The following SEC24D variants were observed in gnomAD, a reference collection of about 807,000 sequenced individuals.
The protein encoded by SEC24D is SEC24 homolog D, COPII component.
Under a neutral mutation model 116.9 loss-of-function variants are expected in SEC24D, and 69 were observed. That is an observed-to-expected ratio of 0.59 (90% confidence interval 0.49 to 0.72). The LOEUF is 0.72. SEC24D is among the 30% of genes least tolerant of loss of function. The probability of loss-of-function intolerance (pLI) is 0.00; values close to 1 mark genes in which losing one functional copy is unlikely to be tolerated. For synonymous variants in SEC24D, 405 were observed against 442.8 expected (o/e 0.91, Z 1.07); for missense variants, 1,131 against 1,264.1 (o/e 0.89, Z 1.60).
chr4:118,727,561 T>A (rs946687946), intron 22 of SEC24D, among the ~76,000 whole-genome samples: 1 of 152,036 alleles, frequency 6.6e-6, no homozygotes, highest in Non-Finnish European at 1.5e-5. Flanking sequence ...TGCTGTGCAT[T>A]CTAAATACCA....
intron 13 of SEC24D, among the ~76,000 whole-genome samples, chr4:118,751,516 T>C (rs1185297485): frequency 2.0e-5 from 3 of 152,140 alleles, no homozygotes; most frequent in Non-Finnish European, 2.9e-5. Context: ...TTCATTACTA[T>C]GAGAATGATC....
At chr4:118,745,097 T>G (rs1295607135) in intron 13 of SEC24D, 37 bp from the exon 14 acceptor site, 2 of 1,143,044 alleles carry the variant, frequency 1.7e-6, no homozygotes. Flanking sequence ...CCACAGAAAA[T>G]GCCGTGAGTA....
intron 20 of SEC24D, among the ~76,000 whole-genome samples, chr4:118,731,784 G>T (rs1318578412): frequency 6.6e-6 from 1 of 152,164 alleles, no homozygotes; most frequent in Non-Finnish European, 1.5e-5. Flanking sequence ...AGTGGGATGG[G>T]GTGTGTCGCT....
chr4:118,766,318 C>T (rs996725889), intron 9 of SEC24D, among the ~76,000 whole-genome samples: 1 of 152,190 alleles, frequency 6.6e-6, no homozygotes, highest in Non-Finnish European at 1.5e-5. Context: ...AATCTCTGGA[C>T]ACTTTGCAAG....
At chr4:118,728,787 A>G (rs1454620089) in intron 21 of SEC24D, 137 bp from the exon 22 acceptor site, 1 of 529,248 alleles carries the variant, frequency 1.9e-6, no homozygotes, top group African/African-American at 1.9e-5. Flanking sequence ...GAAAACCAAA[A>G]CTGTGGGGAA....
intron 22 of SEC24D, among the ~76,000 whole-genome samples, chr4:118,726,950 A>G (rs1029548949): frequency 6.6e-6 from 1 of 152,194 alleles, no homozygotes; most frequent in Admixed American, 6.5e-5. Context: ...TAACCCTTTA[A>G]AAGTATGTTT....
chr4:118,782,124 A>T (rs1306338925), intron 8 of SEC24D, among the ~76,000 whole-genome samples: 1 of 152,084 alleles, frequency 6.6e-6, no homozygotes, highest in Non-Finnish European at 1.5e-5. Flanking sequence ...GCTTTGTTCC[A>T]TTGTTGGCAA....
intron 21 of SEC24D, chr4:118,730,487 T>C (rs1048623131): frequency 3.3e-5 from 5 of 152,232 alleles, no homozygotes; most frequent in Admixed American, 6.5e-5. Context: ...CTTCATACAA[T>C]TGGGTTCAAC....
chr4:118,738,508 T>G lies in SEC24D; in HGVS notation c.2378-129A>C, dbSNP rs1161751816. On this transcript the variant is annotated intron_variant, in intron 18 of 22. Transcript: ENST00000280551. Reference sequence around the variant, plus strand: ...CAGCAAGAATAATAGCATTTAAATCTGTTCAAGTCATTTGCTAATGGTCTC... The same window carrying G: ...CAGCAAGAATAATAGCATTTAAATCGGTTCAAGTCATTTGCTAATGGTCTC... 7.2e-6 allele frequency: 5 copies of G among 694,170 alleles called. No homozygotes were observed. The African/African-American group carries it at 9.1e-5, about 13-fold the overall frequency. The allele number at this position is 694,170 out of a possible 1,614,324, so 43.0% of individuals were successfully genotyped here. A position where few individuals can be genotyped will look rare whatever the true frequency, so the allele number is the denominator to read the frequency against.
intron 7 of SEC24D, among the ~76,000 whole-genome samples, chr4:118,805,605 G>C (rs1489266297): frequency 6.6e-6 from 1 of 152,114 alleles, no homozygotes; most frequent in Non-Finnish European, 1.5e-5. Flanking sequence ...ATAAATAATT[G>C]TTTTAAGCAG....
chr4:118,812,505 G>C (rs1465596808), intron 6 of SEC24D, among the ~76,000 whole-genome samples: 1 of 152,124 alleles, frequency 6.6e-6, no homozygotes, highest in Non-Finnish European at 1.5e-5. Flanking sequence ...CACATCAGCG[G>C]ATAAAGATAC....
At chr4:118,801,226 T>C (rs2033125) in intron 7 of SEC24D, among the ~76,000 whole-genome samples, 95,532 of 149,404 alleles carry the variant, frequency 0.64, 31,369 homozygotes, top group South Asian at 0.73. Flanking sequence ...CGCGCCACTG[T>C]ACTCCAGCCT....
intron 19 of SEC24D, chr4:118,733,198 AG>A (rs1725784295): frequency 4.3e-6 from 1 of 231,798 alleles, no homozygotes; most frequent in Non-Finnish European, 8.3e-6. Context: ...GTCTTTTAGC[AG>A]GTGTGTGACC....
chr4:118,753,592 C>T (rs141153927), intron 11 of SEC24D, among the ~76,000 whole-genome samples: 97 of 151,758 alleles, frequency 6.4e-4, no homozygotes, highest in African/African-American at 2.2e-3. Context: ...AATTCCAAAA[C>T]GAGGCCTTAG....
intron 8 of SEC24D, among the ~76,000 whole-genome samples, chr4:118,782,949 A>C (rs537596596): frequency 6.6e-6 from 1 of 152,094 alleles, no homozygotes; most frequent in East Asian, 1.9e-4. Context: ...ATTTGCTAAG[A>C]CCATTGGAAA....
chr4:118,780,012 G>A (rs1247422860), intron 8 of SEC24D, among the ~76,000 whole-genome samples: 1 of 151,782 alleles, frequency 6.6e-6, no homozygotes, highest in Non-Finnish European at 1.5e-5. Flanking sequence ...TATTAGTCTT[G>A]CTAGCGGTCT....
At chr4:118,731,151 AT>A in intron 21 of SEC24D, 164 bp downstream of exon 21, 1 of 635,828 alleles carries the variant, frequency 1.6e-6, no homozygotes, top group Non-Finnish European at 2.7e-6. Context: ...AAATAACTTT[AT>A]ACCAGCTAAT....
intron 11 of SEC24D, among the ~76,000 whole-genome samples, chr4:118,753,254 G>A (rs1726925692): frequency 6.6e-6 from 1 of 152,060 alleles, no homozygotes; most frequent in Non-Finnish European, 1.5e-5. Flanking sequence ...AAAGTCACCA[G>A]AAGGTCAGAA....
At position 118,740,937 on chromosome 4, in the gene SEC24D, T is replaced by C. The variant is rs966384422; in HGVS notation, c.2092+4A>G. ...ACCCGAAGAATTGTATAAATGATAA[T>C]TACCTGTGCTGGTACGAACCCTCAT... is the stretch of plus-strand genomic sequence containing the variant. On this transcript the variant is annotated splice_donor_region_variant and intron_variant, in intron 16 of 22. Transcript: ENST00000280551. 1.9e-6 allele frequency: 3 copies of C among 1,594,906 alleles called. No homozygotes were observed. The highest frequency in any genetic ancestry group is 2.7e-5 in the African/African-American group (2 of 74,258).
Sources: allele counts gnomAD v4.1 joint callset (sites outside exome capture counted in the v4.1 genomes callset), GRCh38; gene constraint gnomAD v4.1.1; transcripts MANE v1.5; gene names NCBI Gene and HGNC (gene_info 2026-07-23, HGNC 2026-07-21).